The following SLC25A26 variants were observed in gnomAD, a reference collection of about 807,000 sequenced individuals.
The protein encoded by SLC25A26 is solute carrier family 25 member 26.
Under a neutral mutation model 37.8 loss-of-function variants are expected in SLC25A26, and 36 were observed. That is an observed-to-expected ratio of 0.95 (90% CI 0.73 to 1.26). The LOEUF is 1.26. Ranked by LOEUF, SLC25A26 falls within the 50% of genes most tolerant of loss-of-function variation. SLC25A26 has a pLI of 0.00. For synonymous variants in SLC25A26, 129 were observed against 122.5 expected (o/e 1.05, Z -0.35); for missense variants, 390 against 331.1 (o/e 1.18, Z -1.38).
chr3:66,213,785 A>T (rs1001139555), intron 1 of SLC25A26, among the ~76,000 whole-genome samples: 4 of 151,890 alleles, frequency 2.6e-5, no homozygotes, highest in Non-Finnish European at 5.9e-5. Context: ...TCACCTGTTC[A>T]TTGCTCCTAC....
chr3:66,297,825 C>G (rs1049461839), intron 5 of SLC25A26, among the ~76,000 whole-genome samples: 2 of 152,196 alleles, frequency 1.3e-5, no homozygotes, highest in Non-Finnish European at 2.9e-5. Flanking sequence ...TTTCTGAATC[C>G]TAGACTAGAT....
intron 7 of SLC25A26, 41 bp downstream of exon 7, chr3:66,362,970 G>A: frequency 4.5e-6 from 6 of 1,336,612 alleles, no homozygotes; most frequent in Admixed American, 2.2e-5. Context: ...CCAAAGAGGG[G>A]GAAAAATGTG....
chr3:66,367,143 A>G (rs2076841670), intron 7 of SLC25A26, among the ~76,000 whole-genome samples: 2 of 152,236 alleles, frequency 1.3e-5, no homozygotes, highest in Admixed American at 1.3e-4. Flanking sequence ...AGCACTCATT[A>G]GCTCTGGCCA....
rs146803235 is a variant in SLC25A26, at chr3:66,226,588, A to G, written c.33+5461A>G. On this transcript the variant is annotated intron_variant, in intron 1 of 9. Transcript: ENST00000354883. ...CTCAGCCTCCTGAGTAGCTGGGACT[A>G]GAGGCATGCACCAACCACGCCTGGC... is the stretch of plus-strand genomic sequence containing the variant. Among the ~76,000 whole-genome samples the G allele has an allele frequency of 3.9e-3, 594 of 152,180 alleles. 6 individuals are homozygous for G. Among genetic ancestry groups the G allele is most frequent in the African/African-American group, 0.014 (570 of 41,508 alleles).
chr3:66,140,664 A>G (rs987150172), intron 1 of SLC25A26, among the ~76,000 whole-genome samples: 6 of 152,192 alleles, frequency 3.9e-5, no homozygotes, highest in East Asian at 1.9e-4. Flanking sequence ...TATTCTTCAT[A>G]AGTAAAACTA....
intron 1 of SLC25A26, among the ~76,000 whole-genome samples, chr3:66,150,116 C>T (rs1014465627): frequency 6.6e-6 from 1 of 151,982 alleles, no homozygotes; most frequent in Admixed American, 6.6e-5. Flanking sequence ...TCAAAGCTCC[C>T]AAACCAGAAG....
At chr3:66,191,612 G>A (rs1298587046) in intron 1 of SLC25A26, among the ~76,000 whole-genome samples, 1 of 152,072 alleles carries the variant, frequency 6.6e-6, no homozygotes, top group Non-Finnish European at 1.5e-5. Context: ...AATCCTGGCT[G>A]GCTGCAGTAC....
rs1192509327 is a variant in SLC25A26, at chr3:66,196,439, A to G, written c.-353-24303A>G. Among the ~76,000 whole-genome samples the G allele has an allele frequency of 5.3e-5, 8 of 152,288 alleles. 1 individual carries two copies. Among genetic ancestry groups the G allele is most frequent in the Admixed American group, 1.3e-4 (2 of 15,298 alleles). ...ACCACTGGGAACTACAGGGTGTCTC[A>G]GTAAAAAGGCGTCAGAAAGTACCTG... On this transcript the variant is annotated intron_variant, in intron 1 of 10. Coordinates refer to the SLC25A26 transcript ENST00000676754.
intron 1 of SLC25A26, among the ~76,000 whole-genome samples, chr3:66,147,397 G>C (rs1208689829): frequency 6.6e-6 from 1 of 151,426 alleles, no homozygotes; most frequent in Non-Finnish European, 1.5e-5. Context: ...TCCTGGCTTC[G>C]AGTGATCCAC....
chr3:66,241,286 A>AC (rs2072572711), intron 2 of SLC25A26, among the ~76,000 whole-genome samples: 1 of 152,280 alleles, frequency 6.6e-6, no homozygotes, highest in Non-Finnish European at 1.5e-5. Context: ...TTATAAAAAA[A>AC]ATCCCAGGAT....
chr3:66,142,376 A>G (rs1486255931), intron 1 of SLC25A26, among the ~76,000 whole-genome samples: 2 of 152,224 alleles, frequency 1.3e-5, no homozygotes, highest in East Asian at 3.8e-4. Flanking sequence ...TTGGCATTTG[A>G]GAACACTGCA....
At chr3:66,248,880 G>A (rs1468350455) in intron 3 of SLC25A26, among the ~76,000 whole-genome samples, 1 of 152,216 alleles carries the variant, frequency 6.6e-6, no homozygotes, top group African/African-American at 2.4e-5. Flanking sequence ...GATTTTTGGA[G>A]ATGACACTAG....
chr3:66,337,524 A>G (rs2076117162), intron 5 of SLC25A26, among the ~76,000 whole-genome samples: 1 of 152,056 alleles, frequency 6.6e-6, no homozygotes, highest in Admixed American at 6.6e-5. Context: ...GGAAATATCT[A>G]AGATATTGTT....
intron 1 of SLC25A26, among the ~76,000 whole-genome samples, chr3:66,231,336 A>G (rs2072018857): frequency 6.6e-6 from 1 of 152,184 alleles, no homozygotes; most frequent in African/African-American, 2.4e-5. Flanking sequence ...TGGCTTCTAT[A>G]TATCAAGTAC....
intron 5 of SLC25A26, among the ~76,000 whole-genome samples, chr3:66,338,141 C>T (rs377664493): frequency 2.0e-5 from 3 of 151,862 alleles, no homozygotes; most frequent in Non-Finnish European, 2.9e-5. Flanking sequence ...TCAGTATAAC[C>T]TGTGTAAGGG....
intron 5 of SLC25A26, among the ~76,000 whole-genome samples, chr3:66,297,996 T>A (rs1015893873): frequency 6.6e-6 from 1 of 152,230 alleles, no homozygotes; most frequent in African/African-American, 2.4e-5. Context: ...ACTGAGTAGA[T>A]CATTGGTTCC....
At chr3:66,293,907 A>G (rs1176213730) in intron 5 of SLC25A26, among the ~76,000 whole-genome samples, 1 of 152,116 alleles carries the variant, frequency 6.6e-6, no homozygotes, top group East Asian at 1.9e-4. Flanking sequence ...TATACTCAGT[A>G]ATGGAGTTGT....
At chr3:66,161,502 C>T (rs1275338475) in intron 1 of SLC25A26, among the ~76,000 whole-genome samples, 1 of 152,154 alleles carries the variant, frequency 6.6e-6, no homozygotes, top group Non-Finnish European at 1.5e-5. Context: ...TCTCTGACTG[C>T]TAATGAATCC....
At chr3:66,337,016 A>G (rs1463936283) in intron 5 of SLC25A26, among the ~76,000 whole-genome samples, 2 of 152,158 alleles carry the variant, frequency 1.3e-5, no homozygotes, top group African/African-American at 4.8e-5. Flanking sequence ...TCTTGATACC[A>G]TAATTGCACT....
Sources: allele counts gnomAD v4.1 joint callset (sites outside exome capture counted in the v4.1 genomes callset), GRCh38; gene constraint gnomAD v4.1.1; transcripts MANE v1.5; gene names NCBI Gene and HGNC (gene_info 2026-07-23, HGNC 2026-07-21).